TXNDC12: variants seen among roughly 807,000 people sequenced by gnomAD.
TXNDC12 encodes thioredoxin domain containing 12.
In TXNDC12, 22 loss-of-function variants were observed where a neutral mutation model predicts 24.2. The observed-to-expected ratio is 0.91, with a 90% confidence interval of 0.65 to 1.30. The LOEUF (loss-of-function observed/expected upper bound fraction) is 1.30. Among genes scored for constraint, TXNDC12 ranks in the 50% most tolerant of loss-of-function variants. The pLI is 0.00. For missense variants in TXNDC12, 184 were observed against 205.8 expected, an observed-to-expected ratio of 0.89 and a Z score of 0.65; for synonymous variants, 58 against 73.4, an observed-to-expected ratio of 0.79 and a Z score of 1.07.
At chr1:52,026,851 C>G (rs750387230) in intron 4 of TXNDC12, among the ~76,000 whole-genome samples, 7 of 152,102 alleles carry the variant, frequency 4.6e-5, no homozygotes, top group African/African-American at 1.7e-4. Context: ...ACCTGGCCAA[C>G]ATGGCAAAAC....
At chr1:52,038,885 T>C (rs76035172) in intron 2 of TXNDC12, among the ~76,000 whole-genome samples, 2 of 133,182 alleles carry the variant, frequency 1.5e-5, no homozygotes, top group African/African-American at 5.5e-5. Context: ...ATGAATTTTC[T>C]TTTTTTTTTC....
chr1:52,034,101 G>T, intron 2 of TXNDC12: 1 of 1,231,284 alleles, frequency 8.1e-7, no homozygotes, highest in Non-Finnish European at 1.0e-6. Context: ...TTAGCATATA[G>T]AAGGCAATTA....
chr1:52,043,387 T>C (rs774282985), intron 1 of TXNDC12, among the ~76,000 whole-genome samples: 7 of 152,238 alleles, frequency 4.6e-5, no homozygotes, highest in Admixed American at 2.6e-4. Context: ...CAAATGAATC[T>C]TATTTAGATC....
chr1:52,023,818 T>G (rs896603991), intron 5 of TXNDC12, among the ~76,000 whole-genome samples: 1 of 152,084 alleles, frequency 6.6e-6, no homozygotes, highest in African/African-American at 2.4e-5. Flanking sequence ...ATATCTCTTA[T>G]AAAATTATTT....
At chr1:52,046,090 A>G (rs1686084394) in intron 1 of TXNDC12, among the ~76,000 whole-genome samples, 1 of 151,974 alleles carries the variant, frequency 6.6e-6, no homozygotes, top group African/African-American at 2.4e-5. Flanking sequence ...GTGCATGCCT[A>G]TAGTCCTAGC....
intron 1 of TXNDC12, among the ~76,000 whole-genome samples, chr1:52,051,533 G>A (rs1268075699): frequency 2.6e-5 from 4 of 152,048 alleles, no homozygotes; most frequent in Admixed American, 6.5e-5. Context: ...GTGCCACCAC[G>A]CCTGGCTAAT....
At position 52,021,005 on chromosome 1, in the gene TXNDC12, CT is replaced by C. The variant is rs776207080; in HGVS notation, c.446del (p.Gln149ArgfsTer3). On this transcript the variant is annotated frameshift_variant, in exon 7 of 7. Coordinates refer to ENST00000371626, the MANE Select transcript of TXNDC12 (RefSeq NM_015913.4). LOFTEE classifies it high-confidence loss of function. ...GCCTTTCCTGAGCTTCCTTCATCCC[CT>C]GAACAACTGTGAAATAAAGATTGGA... ...YFYVSAEQVV[Q>X]GMKEAQERLT... 2 of 1,613,016 alleles carry C rather than the reference CT, an allele frequency of 1.2e-6. No individual in the cohort carries two copies. Among genetic ancestry groups the C allele is most frequent in the African/African-American group, 2.7e-5 (2 of 74,902 alleles).
At chr1:52,021,512 C>T (rs930545048) in intron 6 of TXNDC12, among the ~76,000 whole-genome samples, 6 of 140,746 alleles carry the variant, frequency 4.3e-5, no homozygotes, top group African/African-American at 1.1e-4. Flanking sequence ...TGAAGGGGGT[C>T]GTCATTTCCA....
At chr1:52,040,623 A>G (rs1685966970) in intron 2 of TXNDC12, among the ~76,000 whole-genome samples, 1 of 152,226 alleles carries the variant, frequency 6.6e-6, no homozygotes, top group Non-Finnish European at 1.5e-5. Context: ...TGATATTTCT[A>G]GGCTATGCTG....
At chr1:52,030,077 T>C (rs1482851099) in intron 2 of TXNDC12, among the ~76,000 whole-genome samples, 1 of 151,928 alleles carries the variant, frequency 6.6e-6, no homozygotes, top group Non-Finnish European at 1.5e-5. Context: ...CCCCATAAAA[T>C]CTAGGTTCTA....
chr1:52,030,084 T>G, intron 2 of TXNDC12, among the ~76,000 whole-genome samples: 1 of 152,046 alleles, frequency 6.6e-6, no homozygotes, highest in East Asian at 1.9e-4. Flanking sequence ...AAATCTAGGT[T>G]CTAGGCCGGG....
In TXNDC12 at chr1:52,033,316, C is replaced by T. The variant is rs531560649; in HGVS notation, c.159-4686G>A. On this transcript the variant is annotated intron_variant, in intron 2 of 6. Transcript: ENST00000371626. ...AGTATGCAGTTCCCTGAGGACGCTGCTGCCCGCCGCCTGGGCTCTCCCGTC... is the reference window on the plus strand; with the variant it reads ...AGTATGCAGTTCCCTGAGGACGCTGTTGCCCGCCGCCTGGGCTCTCCCGTC... The T allele has an allele frequency of 1.6e-5, 26 of 1,613,892 alleles. 1 individual carries two copies. In the South Asian group the frequency reaches 2.6e-4, roughly 16 times the overall value.
intron 2 of TXNDC12, among the ~76,000 whole-genome samples, chr1:52,029,699 T>G (rs1292174714): frequency 6.6e-6 from 1 of 152,234 alleles, no homozygotes; most frequent in African/African-American, 2.4e-5. Context: ...CATATATTAT[T>G]GATAGCAAAC....
rs893722002 is a variant in TXNDC12 at position 52,023,709 on chromosome 1, T to G, written c.356-135A>C. On this transcript the variant is annotated intron_variant, in intron 5 of 6. Coordinates refer to ENST00000371626, the MANE Select transcript of TXNDC12 (RefSeq NM_015913.4). Reference sequence around the variant, plus strand: ...CAGCCCATTACCTCACCATAATACCTCCTACATTTCTGCTTCCTTTTCTGC... The same window carrying G: ...CAGCCCATTACCTCACCATAATACCGCCTACATTTCTGCTTCCTTTTCTGC... 2.5e-5 allele frequency: 15 copies of G among 600,970 alleles called. No homozygotes were observed. The Admixed American group carries it at 2.7e-4, about 11-fold the overall frequency. 37.2% of individuals were successfully genotyped at this position (600,970 alleles called of 1,614,324 possible).
intron 2 of TXNDC12, chr1:52,033,861 CTT>C: frequency 6.9e-7 from 1 of 1,446,818 alleles, no homozygotes; most frequent in Non-Finnish European, 9.1e-7. Context: ...TCCTGTCTCC[CTT>C]GACTTTTACA....
At chr1:52,024,715 C>G (rs184941323) in intron 4 of TXNDC12, 136 bp from the exon 5 acceptor site, 1 of 633,452 alleles carries the variant, frequency 1.6e-6, no homozygotes, top group Non-Finnish European at 2.8e-6. Flanking sequence ...GATCTATCAC[C>G]TAGGCACTTC....
chr1:52,054,672 C>T (rs1253398623), intron 1 of TXNDC12, among the ~76,000 whole-genome samples: 1 of 151,962 alleles, frequency 6.6e-6, no homozygotes, highest in Admixed American at 6.5e-5. Flanking sequence ...TCTATTTCTC[C>T]CAGGTGGGAA....
At chr1:52,027,972 C>T (rs1287748969) in intron 3 of TXNDC12, among the ~76,000 whole-genome samples, 4 of 151,928 alleles carry the variant, frequency 2.6e-5, no homozygotes, top group African/African-American at 4.8e-5. Flanking sequence ...ATTACAGGCG[C>T]GTGCCACCAA....
chr1:52,022,424 C>T (rs1176965264), intron 6 of TXNDC12, among the ~76,000 whole-genome samples: 1 of 152,118 alleles, frequency 6.6e-6, no homozygotes, highest in African/African-American at 2.4e-5. Flanking sequence ...CTTCTCTCTC[C>T]TGGAACATGC....
Sources: gnomAD v4.1 joint callset for allele counts (sites outside exome capture counted in the v4.1 genomes callset) on GRCh38, gnomAD v4.1.1 for gene constraint, MANE v1.5 for transcripts, NCBI Gene and HGNC (gene_info 2026-07-23, HGNC 2026-07-21) for gene names.